Variants in MYCBP2 observed in about 807,000 individuals in gnomAD.
MYCBP2 encodes MYC binding protein 2, also known as E3 ubiquitin-protein ligase MYCBP2.
In MYCBP2, 120 loss-of-function variants were observed where a neutral mutation model predicts 525.3. The observed-to-expected ratio is 0.23, with a 90% CI of 0.20 to 0.27. The LOEUF is 0.27. MYCBP2 is among the 10% of genes least tolerant of loss of function. The pLI is 1.00. For synonymous variants in MYCBP2, 1,894 were observed against 1,955.8 expected (o/e 0.97, Z 0.83); for missense variants, 4,149 against 5,657.1 (o/e 0.73, Z 8.55).
chr13:77,141,014 T>C (rs1364566493), intron 49 of MYCBP2, 71 bp from the exon 50 acceptor site: 2 of 1,088,294 alleles, frequency 1.8e-6, no homozygotes, highest in East Asian at 2.5e-5. Context: ...CCTAATCTTA[T>C]AAACATCCAC....
At chr13:77,160,808 A>G (rs1376395515) in intron 44 of MYCBP2, among the ~76,000 whole-genome samples, 2 of 152,226 alleles carry the variant, frequency 1.3e-5, no homozygotes, top group African/African-American at 4.8e-5. Flanking sequence ...AATTAGAAAA[A>G]CTAAGGCTAT....
At chr13:77,229,138 T>C (rs2066768296) in intron 18 of MYCBP2, among the ~76,000 whole-genome samples, 3 of 152,196 alleles carry the variant, frequency 2.0e-5, no homozygotes, top group Admixed American at 6.5e-5. Context: ...GCTCTTCTCA[T>C]TTGCTAGTTG....
chr13:77,199,184 G>T (rs1019363701), intron 26 of MYCBP2, among the ~76,000 whole-genome samples: 1 of 152,228 alleles, frequency 6.6e-6, no homozygotes, highest in African/African-American at 2.4e-5. Context: ...GTGGGTGTGC[G>T]CACCATGCGC....
At chr13:77,295,324 G>A (rs935083376) in intron 2 of MYCBP2, among the ~76,000 whole-genome samples, 1 of 152,064 alleles carries the variant, frequency 6.6e-6, no homozygotes. Context: ...CGTAGAGACA[G>A]GGTTTCACCA....
At chr13:77,090,326 TATA>T in intron 59 of MYCBP2, 63 bp from the exon 60 acceptor site, 1 of 1,347,230 alleles carries the variant, frequency 7.4e-7, no homozygotes, top group African/African-American at 1.5e-5. Flanking sequence ...TAACTATACT[TATA>T]ATGATGCAAA....
intron 57 of MYCBP2, 50 bp downstream of exon 57, chr13:77,096,262 T>C: frequency 6.6e-7 from 1 of 1,519,546 alleles, no homozygotes; most frequent in Non-Finnish European, 9.0e-7. Flanking sequence ...GGTATTTTTA[T>C]ACAGTGTATC....
At chr13:77,108,685 C>G (rs79866244) in intron 55 of MYCBP2, among the ~76,000 whole-genome samples, 4,647 of 151,876 alleles carry the variant, frequency 0.031, 208 homozygotes, top group East Asian at 0.17. Flanking sequence ...AACAGAAGTG[C>G]TTTTAGGATA....
intron 49 of MYCBP2, chr13:77,144,050 A>C (rs187763109): frequency 5.1e-6 from 1 of 197,202 alleles, no homozygotes; most frequent in Non-Finnish European, 1.1e-5. Flanking sequence ...GCATTCATTC[A>C]TCCATATTTG....
intron 68 of MYCBP2, among the ~76,000 whole-genome samples, chr13:77,074,922 T>C (rs1300385313): frequency 2.0e-5 from 3 of 152,130 alleles, no homozygotes; most frequent in Non-Finnish European, 4.4e-5. Flanking sequence ...TAAAACTTGG[T>C]TGTGGGCTGG....
rs530033161 is a variant in MYCBP2 at position 77,058,974 on chromosome 13, G to A, written c.13140+549C>T. Among the ~76,000 whole-genome samples, 196 of 152,102 alleles carry A rather than the reference G, an allele frequency of 1.3e-3. 6 individuals carry two copies. The South Asian group carries it at 0.039, about 30-fold the overall frequency. ...TACTCCAGCCTGGGCGACACAGCCA[G>A]ACTCCGTCTCAAAAAAATAAAAAAT... is the stretch of plus-strand genomic sequence containing the variant. On this transcript the variant is annotated intron_variant, in intron 77 of 82. Transcript: ENST00000544440. The surrounding 1 kb of genome is among the most constrained non-coding windows in gnomAD (Gnocchi z 4.1).
In MYCBP2 at chr13:77,120,059, A is replaced by G. The variant is rs554011037; in HGVS notation, c.8140+1314T>C. ...TAATGACTGATTTACTGTGATAGCT[A>G]TTAGTACAATGACAGACAGTTTAAA... On this transcript the variant is annotated intron_variant, in intron 55 of 82. Coordinates refer to ENST00000544440, the MANE Select transcript of MYCBP2 (RefSeq NM_015057.5). Among the ~76,000 whole-genome samples the G allele has an allele frequency of 2.6e-5, 4 of 152,340 alleles. No homozygotes were observed. In the South Asian group the frequency reaches 6.2e-4, roughly 24 times the overall value.
intron 3 of MYCBP2, among the ~76,000 whole-genome samples, chr13:77,281,766 G>A (rs1358072375): frequency 6.6e-6 from 1 of 151,990 alleles, no homozygotes; most frequent in Non-Finnish European, 1.5e-5. Context: ...ATTTCCAAAC[G>A]TGACTTTATT....
chr13:77,211,368 T>C, intron 22 of MYCBP2, 48 bp from the exon 23 acceptor site: 1 of 1,005,346 alleles, frequency 9.9e-7, no homozygotes. Flanking sequence ...ATTACCCTTT[T>C]AAATTCTCCA....
At chr13:77,289,469 C>G (rs1317523074) in intron 2 of MYCBP2, among the ~76,000 whole-genome samples, 1 of 151,216 alleles carries the variant, frequency 6.6e-6, no homozygotes, top group Non-Finnish European at 1.5e-5. Flanking sequence ...TTCAAATAAA[C>G]ACAGAAAGAT....
intron 44 of MYCBP2, among the ~76,000 whole-genome samples, chr13:77,161,451 AC>A (rs1285303366): frequency 1.3e-5 from 2 of 152,216 alleles, no homozygotes; most frequent in African/African-American, 4.8e-5. Flanking sequence ...AGCCCTAACC[AC>A]TTAATATGAC....
In MYCBP2 at chr13:77,185,197, C is replaced by A; in HGVS notation, c.4625G>T (p.Cys1542Phe). 6.2e-7 allele frequency: 1 copy of A among 1,614,140 alleles called. No individual in the cohort carries two copies. The highest frequency in any genetic ancestry group is 8.5e-7 in the Non-Finnish European group (1 of 1,180,008). Residue 1542 changes from cysteine to phenylalanine, a missense_variant, in exon 32 of 83, where the codon TGT (cysteine) becomes TTT (phenylalanine). Physicochemically the swap from Cys to Phe is radical, Grantham distance 205 (BLOSUM62 -2). Around this residue, in one of 21 missense-constraint regions of MYCBP2, gnomAD observed 292 missense variants for 330.5 expected, o/e 0.88. Transcript: ENST00000544440. The stretch of plus-strand genomic sequence containing the variant: ...AAAGCAGGCAGTGAAAGTATTATGA[C>A]ATTCCTGAAGGACAGCTTCTAGAAG... ...LSLLEAVLQE[C>F]HNTFTACFHS...
chr13:77,070,573 A>AACAC lies in MYCBP2; in HGVS notation c.11904+54_11904+57dup, dbSNP rs60371737. ...TAACAAACAAACAGACAAACAAACAAACACACACACACACACACACAAAAC... is the reference window on the plus strand; with the variant it reads ...TAACAAACAAACAGACAAACAAACAAACACACACACACACACACACACACAAAAC... On this transcript the variant is annotated intron_variant, in intron 69 of 82. Transcript: ENST00000544440. The AACAC allele has an allele frequency of 3.4e-3, 3,696 of 1,079,264 alleles. 52 individuals carry two copies. The African/African-American group carries it at 0.045, about 13-fold the overall frequency. The allele number at this position is 1,079,264 out of a possible 1,614,324, so 66.9% of individuals were successfully genotyped here. A position where few individuals can be genotyped will look rare whatever the true frequency, so the allele number is the denominator to read the frequency against.
intron 26 of MYCBP2, among the ~76,000 whole-genome samples, chr13:77,202,828 T>C (rs1000088181): frequency 5.9e-5 from 9 of 152,216 alleles, no homozygotes; most frequent in Admixed American, 5.2e-4. Context: ...GAAAAGGCCT[T>C]TGACAAAATT....
At chr13:77,179,062 T>A (rs2059974678) in intron 34 of MYCBP2, among the ~76,000 whole-genome samples, 1 of 152,188 alleles carries the variant, frequency 6.6e-6, no homozygotes. Context: ...CTCAAGTGTA[T>A]GCGATGAACC....
Sources: allele counts gnomAD v4.1 joint callset (sites outside exome capture counted in the v4.1 genomes callset), GRCh38; gene constraint gnomAD v4.1.1; regional missense constraint gnomAD v4.1.1; non-coding constraint Gnocchi (gnomAD v3.1); transcripts MANE v1.5; gene names NCBI Gene and HGNC (gene_info 2026-07-23, HGNC 2026-07-21).